The following MSH3 variants were observed in gnomAD, a reference collection of about 807,000 sequenced individuals.
The protein encoded by MSH3 is DNA mismatch repair protein Msh3.
MSH3 carries 106 observed loss-of-function variants against 123.3 expected under a neutral mutation model. That is an observed-to-expected ratio of 0.86 (90% CI 0.73 to 1.01). The LOEUF (loss-of-function observed/expected upper bound fraction) is 1.01, where lower values mean the gene tolerates loss of function less well. Among genes scored for constraint, MSH3 ranks in the 50% least tolerant of loss-of-function variants. MSH3 has a pLI of 0.00. For synonymous variants in MSH3, 515 were observed against 481.4 expected (o/e 1.07, Z -0.91); for missense variants, 1,459 against 1,347.6 (o/e 1.08, Z -1.29).
chr5:80,740,797 C>G (rs1302879897), intron 10 of MSH3, among the ~76,000 whole-genome samples: 1 of 150,470 alleles, frequency 6.6e-6, no homozygotes, highest in African/African-American at 2.4e-5. Flanking sequence ...TCACTGCAAT[C>G]TCCGCCTCCC....
At chr5:80,772,478 T>C (rs1423474465) in intron 15 of MSH3, among the ~76,000 whole-genome samples, 1 of 151,986 alleles carries the variant, frequency 6.6e-6, no homozygotes, top group African/African-American at 2.4e-5. Flanking sequence ...GCTATATAGA[T>C]TGAATAACAA....
At chr5:80,703,956 C>T (rs754679997) in intron 8 of MSH3, among the ~76,000 whole-genome samples, 5 of 152,058 alleles carry the variant, frequency 3.3e-5, no homozygotes, top group South Asian at 2.1e-4. Context: ...CTGCATAGGG[C>T]GTGTTCTGTG....
intron 20 of MSH3, among the ~76,000 whole-genome samples, chr5:80,817,545 A>G (rs1168461052): frequency 6.6e-6 from 1 of 152,226 alleles, no homozygotes; most frequent in East Asian, 1.9e-4. Context: ...TGTTATTTCC[A>G]AGAATTTATT....
chr5:80,842,448 A>C (rs899234101), intron 20 of MSH3, among the ~76,000 whole-genome samples: 1 of 152,146 alleles, frequency 6.6e-6, no homozygotes, highest in Non-Finnish European at 1.5e-5. Flanking sequence ...GAAGAAAATC[A>C]GTGGTAGCTT....
intron 15 of MSH3, among the ~76,000 whole-genome samples, chr5:80,771,930 GTAA>G (rs751575294): frequency 4.0e-4 from 61 of 152,070 alleles, no homozygotes; most frequent in African/African-American, 1.2e-3. Context: ...ATATTTTTAT[GTAA>G]TAATGTACAT....
intron 20 of MSH3, among the ~76,000 whole-genome samples, chr5:80,841,533 C>T (rs555625508): frequency 7.2e-5 from 11 of 152,260 alleles, no homozygotes; most frequent in Non-Finnish European, 1.3e-4. Context: ...AGTGTAAAAG[C>T]GTTTCTGTTT....
At chr5:80,716,457 G>T (rs1429035954) in intron 8 of MSH3, among the ~76,000 whole-genome samples, 1 of 151,710 alleles carries the variant, frequency 6.6e-6, no homozygotes, top group Non-Finnish European at 1.5e-5. Context: ...GCAGAGATTG[G>T]GTTTTGCTCT....
intron 20 of MSH3, among the ~76,000 whole-genome samples, chr5:80,818,887 T>C (rs1745151904): frequency 6.6e-6 from 1 of 152,222 alleles, no homozygotes; most frequent in Non-Finnish European, 1.5e-5. Flanking sequence ...TTTTATAAGT[T>C]TTTTTGTTAT....
chr5:80,674,648 A>G (rs1188009542), intron 6 of MSH3, among the ~76,000 whole-genome samples: 3 of 152,244 alleles, frequency 2.0e-5, no homozygotes. Context: ...TATGATCCAA[A>G]TAAATCAGAA....
At chr5:80,704,657 A>C (rs1027460049) in intron 8 of MSH3, among the ~76,000 whole-genome samples, 5 of 152,210 alleles carry the variant, frequency 3.3e-5, no homozygotes, top group Non-Finnish European at 5.9e-5. Context: ...ATTTTGTTTT[A>C]CAGAGAGATT....
chr5:80,875,709 C>A lies in MSH3; in HGVS notation c.3303-42C>A, dbSNP rs763943840. 5.2e-6 allele frequency: 6 copies of A among 1,163,476 alleles called. No homozygotes were observed. In the Admixed American group the frequency reaches 8.6e-5, roughly 17 times the overall value. 72.1% of individuals were successfully genotyped at this position (1,163,476 alleles called of 1,614,324 possible). On this transcript the variant is annotated intron_variant, in intron 23 of 23. Coordinates refer to ENST00000265081, the MANE Select transcript of MSH3 (RefSeq NM_002439.5). ...TCTGATGAGACGTATTGTCTCCCAGCAATTTCATTTATTAAATAAGTAGTA... is the reference window on the plus strand; with the variant it reads ...TCTGATGAGACGTATTGTCTCCCAGAAATTTCATTTATTAAATAAGTAGTA...
Position 80,787,605 on chromosome 5 carries a change from C to T in MSH3, c.2476C>T (p.His826Tyr), listed in dbSNP as rs757559592. The T allele has an allele frequency of 1.2e-6, 2 of 1,613,872 alleles. No individual in the cohort carries two copies. Among genetic ancestry groups the T allele is most frequent in the Admixed American group, 1.7e-5 (1 of 60,008 alleles). ...EHYHSLCKAV[H>Y]HLATVDCIFS... is the part of the protein sequence containing the mutation. ...TTATCACTCCTTGTGTAAAGCAGTG[C>T]ATCACCTAGCAACTGTTGACTGCAT... Residue 826 changes from histidine (H) to tyrosine (Y), a missense_variant, in exon 18 of 24, where the codon CAT (histidine) becomes TAT (tyrosine). His to Tyr is a moderately conservative substitution (Grantham distance 83). Coordinates refer to ENST00000265081, the MANE Select transcript of MSH3 (RefSeq NM_002439.5).
At chr5:80,769,044 T>C (rs763669508) in intron 15 of MSH3, 41 bp downstream of exon 15, 19 of 1,540,918 alleles carry the variant, frequency 1.2e-5, no homozygotes, top group Non-Finnish European at 1.6e-5. Flanking sequence ...AGTTTTACTC[T>C]AGTAGAAAAG....
At chr5:80,789,694 G>A (rs777721379) in intron 18 of MSH3, among the ~76,000 whole-genome samples, 1 of 152,206 alleles carries the variant, frequency 6.6e-6, no homozygotes, top group Non-Finnish European at 1.5e-5. Context: ...TTTGCAAAAT[G>A]TGAGAGCATC....
intron 8 of MSH3, among the ~76,000 whole-genome samples, chr5:80,695,131 A>T (rs1750444929): frequency 7.6e-6 from 1 of 131,920 alleles, no homozygotes; most frequent in African/African-American, 2.8e-5. Context: ...TGGGACTTTG[A>T]TCACAAGAAT....
chr5:80,785,209 C>A (rs533249810), intron 17 of MSH3, among the ~76,000 whole-genome samples: 6 of 152,116 alleles, frequency 3.9e-5, no homozygotes, highest in Non-Finnish European at 7.4e-5. Context: ...ATTTATTGTC[C>A]GTTTGTTGTC....
At chr5:80,730,295 TG>T (rs1049144224) in intron 10 of MSH3, among the ~76,000 whole-genome samples, 8 of 152,332 alleles carry the variant, frequency 5.3e-5, no homozygotes, top group African/African-American at 1.9e-4. Flanking sequence ...TACCATTATA[TG>T]AAGTTAGAAA....
intron 8 of MSH3, among the ~76,000 whole-genome samples, chr5:80,717,635 T>C (rs905242236): frequency 6.6e-6 from 1 of 152,222 alleles, no homozygotes; most frequent in African/African-American, 2.4e-5. Flanking sequence ...CCAACAGTTA[T>C]GTAAGAGTTC....
At chr5:80,850,557 C>A (rs1041653149) in intron 20 of MSH3, among the ~76,000 whole-genome samples, 14 of 152,158 alleles carry the variant, frequency 9.2e-5, no homozygotes, top group African/African-American at 3.4e-4. Flanking sequence ...CAGGCAAAGA[C>A]AGAGATTGTG....
Sources: allele counts gnomAD v4.1 joint callset (sites outside exome capture counted in the v4.1 genomes callset), GRCh38; gene constraint gnomAD v4.1.1; transcripts MANE v1.5; gene names NCBI Gene and HGNC (gene_info 2026-07-23, HGNC 2026-07-21).